C14orf132: variants seen among roughly 807,000 people sequenced by gnomAD.
C14orf132 encodes uncharacterized protein C14orf132.
Under a neutral mutation model 5.8 loss-of-function variants are expected in C14orf132, and 6 were observed. The ratio of observed to expected loss-of-function variants is 1.03; its 90% CI spans 0.57 to 2.04. The LOEUF (loss-of-function observed/expected upper bound fraction) is 2.04, where lower values mean the gene tolerates loss of function less well. Among genes scored for constraint, C14orf132 ranks in the 30% most tolerant of loss-of-function variants. The pLI is 0.00. For missense variants in C14orf132, 125 were observed against 115.8 expected (o/e 1.08, Z -0.37); for synonymous variants, 51 against 49.8 (o/e 1.02, Z -0.10).
intron 1 of C14orf132, among the ~76,000 whole-genome samples, chr14:96,057,975 G>A (rs555873167): frequency 1.3e-5 from 2 of 152,170 alleles, no homozygotes; most frequent in African/African-American, 2.4e-5. Context: ...CCATGCTAAC[G>A]CCTGCCTTGC....
intron 1 of C14orf132, among the ~76,000 whole-genome samples, chr14:96,062,617 C>T (rs1446439038): frequency 6.6e-6 from 1 of 152,152 alleles, no homozygotes; most frequent in Admixed American, 6.5e-5. Context: ...CTGCCCAGCT[C>T]CCTGCTCACG....
intron 1 of C14orf132, 148 bp from the exon 2 acceptor site, chr14:96,086,362 TA>T: frequency 1.5e-6 from 1 of 685,094 alleles, no homozygotes; most frequent in Non-Finnish European, 2.4e-6. Flanking sequence ...CCATCAATGA[TA>T]AAACCACAAA....
chr14:96,039,542 C>G lies in C14orf132; in HGVS notation c.27+15C>G. ...TGGCCGCGCAGGTAACGGGGCGTCC[C>G]CCCCACGCGCCCCGGGCCGCCAAGT... On this transcript the variant is annotated intron_variant, in intron 1 of 1. Coordinates refer to ENST00000555004, the MANE Select transcript of C14orf132 (RefSeq NM_001252507.3). This position sits in a 1 kb window ranked among gnomAD's most constrained non-coding sequence, Gnocchi z 5.3. 3 of 1,499,872 alleles carry G rather than the reference C, an allele frequency of 2.0e-6. No homozygotes were observed. The highest frequency in any genetic ancestry group is 1.8e-6 in the Non-Finnish European group (2 of 1,127,360). 92.9% of individuals were successfully genotyped at this position (1,499,872 alleles called of 1,614,324 possible).
rs4905426 is a variant in C14orf132 at position 96,081,332 on chromosome 14, T to A, written c.28-5179T>A. ...CTATACGGCTGTCTTTATTATTTCC[T>A]CTGTTTTTAACTGAGAAACCTCTGC... On this transcript the variant is annotated intron_variant, in intron 1 of 1. Coordinates refer to ENST00000555004, the MANE Select transcript of C14orf132 (RefSeq NM_001252507.3). Among the ~76,000 whole-genome samples, 7 of 152,106 alleles carry A rather than the reference T, an allele frequency of 4.6e-5. No individual in the cohort carries two copies. The East Asian group carries it at 7.7e-4, about 17-fold the overall frequency.
At chr14:96,041,697 CTG>C (rs1351008758) in intron 1 of C14orf132, among the ~76,000 whole-genome samples, 1 of 152,244 alleles carries the variant, frequency 6.6e-6, no homozygotes, top group Non-Finnish European at 1.5e-5. Flanking sequence ...GTGACAGTCA[CTG>C]TCTCTCTGTG....
In C14orf132 at chr14:96,089,204, C is replaced by T. The variant is rs1326068574; in HGVS notation, c.*2469C>T. On this transcript the variant is annotated 3_prime_UTR_variant, in exon 2 of 2. Transcript: ENST00000555004. Reference sequence around the variant, plus strand: ...CTGGCCACAGCGAGCTGCACTCTCCCTCCTGCCTCAGCCGGGGTCCGTCTT... The same window carrying T: ...CTGGCCACAGCGAGCTGCACTCTCCTTCCTGCCTCAGCCGGGGTCCGTCTT... 3 of 152,276 alleles carry T rather than the reference C, an allele frequency of 2.0e-5. No homozygotes were observed. Among genetic ancestry groups the T allele is most frequent in the African/African-American group, 7.2e-5 (3 of 41,470 alleles). 9.4% of individuals were successfully genotyped at this position (152,276 alleles called of 1,614,324 possible).
rs759567549 is a variant in C14orf132 at position 96,086,682 on chromosome 14, G to A, written c.199G>A (p.Ala67Thr). The A allele has an allele frequency of 1.3e-6, 2 of 1,536,192 alleles. No homozygotes were observed. The highest frequency in any genetic ancestry group is 2.4e-5 in the South Asian group (2 of 84,066). Reference protein sequence around the residue: ...DAVLLWIAIIATLGNIVVVGV... With the variant: ...DAVLLWIAIITTLGNIVVVGV... ...CGTCTTGCTATGGATTGCCATCATA[G>A]CTACGCTGGGGAACATCGTGGTGGT... Residue 67 changes from alanine to threonine, a missense_variant, in exon 2 of 2, where the codon GCT becomes ACT. Ala to Thr is a moderately conservative substitution (Grantham distance 58, BLOSUM62 0). Transcript: ENST00000555004.
At chr14:96,058,119 A>G (rs1887233994) in intron 1 of C14orf132, among the ~76,000 whole-genome samples, 1 of 152,164 alleles carries the variant, frequency 6.6e-6, no homozygotes, top group African/African-American at 2.4e-5. Context: ...TGAACCAGCC[A>G]CCTGGCTCCC....
chr14:96,061,278 C>G (rs747869087), intron 1 of C14orf132, among the ~76,000 whole-genome samples: 1 of 152,206 alleles, frequency 6.6e-6, no homozygotes, highest in Non-Finnish European at 1.5e-5. Flanking sequence ...AGTCACACAG[C>G]TCCTTAGTAG....
At chr14:96,042,514 G>A (rs551682296) in intron 1 of C14orf132, among the ~76,000 whole-genome samples, 132 of 152,204 alleles carry the variant, frequency 8.7e-4, no homozygotes, top group Non-Finnish European at 1.6e-3. Flanking sequence ...CCAAGCCCAC[G>A]TTTCTTCTTC....
intron 1 of C14orf132, among the ~76,000 whole-genome samples, chr14:96,056,596 C>T (rs1489027697): frequency 6.6e-6 from 1 of 152,154 alleles, no homozygotes; most frequent in Non-Finnish European, 1.5e-5. Context: ...AATGACCTCT[C>T]CTGGCTCGTG....
At chr14:96,048,102 C>G (rs564978501) in intron 1 of C14orf132, among the ~76,000 whole-genome samples, 1 of 152,088 alleles carries the variant, frequency 6.6e-6, no homozygotes, top group Non-Finnish European at 1.5e-5. Context: ...GCAGGAGAAT[C>G]GCTTGAACCT....
chr14:96,052,595 A>T (rs1887062671), intron 1 of C14orf132, among the ~76,000 whole-genome samples: 1 of 152,196 alleles, frequency 6.6e-6, no homozygotes, highest in African/African-American at 2.4e-5. Context: ...CAAGAAAGAA[A>T]CTGGACAGAA....
intron 1 of C14orf132, among the ~76,000 whole-genome samples, chr14:96,069,777 G>C (rs1215595614): frequency 5.3e-5 from 8 of 152,180 alleles, no homozygotes; most frequent in Admixed American, 5.2e-4. Flanking sequence ...AGTTTTAAAG[G>C]ACCTCAACAT....
chr14:96,087,436 G>A lies in C14orf132; in HGVS notation c.*701G>A, dbSNP rs538770718. The A allele has an allele frequency of 5.9e-5, 9 of 152,274 alleles. No homozygotes were observed. The East Asian group carries it at 1.7e-3, about 29-fold the overall frequency. The allele number at this position is 152,274 out of a possible 1,614,324, so 9.4% of individuals were successfully genotyped here. On this transcript the variant is annotated 3_prime_UTR_variant, in exon 2 of 2. Transcript: ENST00000555004. Reference sequence around the variant, plus strand: ...GAGAGGATGTCTTTAAGAGCTAGATGTGCCAGGCAGTGGACTCTTCAGGCC... The same window carrying A: ...GAGAGGATGTCTTTAAGAGCTAGATATGCCAGGCAGTGGACTCTTCAGGCC...
chr14:96,059,988 T>C (rs557007822), intron 1 of C14orf132, among the ~76,000 whole-genome samples: 1 of 152,282 alleles, frequency 6.6e-6, no homozygotes, highest in African/African-American at 2.4e-5. Flanking sequence ...CAGCTCCCCA[T>C]AGTGGTGCCC....
At chr14:96,081,763 T>C (rs926791302) in intron 1 of C14orf132, among the ~76,000 whole-genome samples, 1 of 152,022 alleles carries the variant, frequency 6.6e-6, no homozygotes, top group Non-Finnish European at 1.5e-5. Flanking sequence ...CACACTCCGC[T>C]AATTTTTTTT....
intron 1 of C14orf132, among the ~76,000 whole-genome samples, chr14:96,066,040 C>G (rs536566280): frequency 6.6e-6 from 1 of 152,272 alleles, no homozygotes; most frequent in South Asian, 2.1e-4. Flanking sequence ...AGCCTCCTCC[C>G]CCTTATCCCC....
At chr14:96,056,295 G>C (rs902112086) in intron 1 of C14orf132, among the ~76,000 whole-genome samples, 119 of 152,296 alleles carry the variant, frequency 7.8e-4, no homozygotes, top group African/African-American at 2.6e-3. Flanking sequence ...CTGGCTTGGG[G>C]AATACAGAAC....
Sources: allele counts gnomAD v4.1 joint callset (sites outside exome capture counted in the v4.1 genomes callset), GRCh38; gene constraint gnomAD v4.1.1; non-coding constraint Gnocchi (gnomAD v3.1); transcripts MANE v1.5; gene names NCBI Gene and HGNC (gene_info 2026-07-23, HGNC 2026-07-21).